TAFA1: variants seen among roughly 807,000 people sequenced by gnomAD.
The protein encoded by TAFA1 is TAFA chemokine like family member 1, also known as chemokine-like protein TAFA-1.
TAFA1 carries 4 observed loss-of-function variants against 18.5 expected under a neutral mutation model. The ratio of observed to expected loss-of-function variants is 0.22; its 90% CI spans 0.11 to 0.49. The LOEUF (loss-of-function observed/expected upper bound fraction) is 0.49, where lower values mean the gene tolerates loss of function less well. TAFA1 is among the 20% of genes least tolerant of loss of function. The pLI, the probability that TAFA1 is intolerant of heterozygous loss-of-function variation, is 0.98. For synonymous variants in TAFA1, 56 were observed against 55.2 expected (o/e 1.01, Z -0.06); for missense variants, 147 against 169.0 (o/e 0.87, Z 0.72).
intron 2 of TAFA1, among the ~76,000 whole-genome samples, chr3:68,349,121 A>G (rs1268021129): frequency 6.6e-6 from 1 of 151,488 alleles, no homozygotes; most frequent in Non-Finnish European, 1.5e-5. Flanking sequence ...AAATTCTGCT[A>G]TTTTCTAAGG....
chr3:68,487,612 C>G (rs915298111), intron 3 of TAFA1, among the ~76,000 whole-genome samples: 2 of 151,596 alleles, frequency 1.3e-5, no homozygotes, highest in African/African-American at 2.4e-5. Flanking sequence ...ATTAGCTGGG[C>G]GTGGTGGCAG....
chr3:68,220,264 G>A (rs935270877), intron 2 of TAFA1, among the ~76,000 whole-genome samples: 4 of 152,088 alleles, frequency 2.6e-5, no homozygotes, highest in African/African-American at 9.7e-5. Flanking sequence ...TATAAAGATT[G>A]TCTGCAAAAC....
chr3:68,497,785 G>A (rs1052305359), intron 3 of TAFA1, among the ~76,000 whole-genome samples: 1 of 152,124 alleles, frequency 6.6e-6, no homozygotes, highest in Non-Finnish European at 1.5e-5. Context: ...GAATGGTTTT[G>A]TGTTTGTTCA....
intron 2 of TAFA1, among the ~76,000 whole-genome samples, chr3:68,113,448 T>C (rs772413756): frequency 6.6e-6 from 1 of 152,118 alleles, no homozygotes; most frequent in Non-Finnish European, 1.5e-5. Flanking sequence ...TGAAAGGTAA[T>C]ACAGTAAATG....
At chr3:68,334,440 T>C (rs943781371) in intron 2 of TAFA1, among the ~76,000 whole-genome samples, 2 of 152,138 alleles carry the variant, frequency 1.3e-5, no homozygotes, top group African/African-American at 4.8e-5. Context: ...TTATGAACAG[T>C]AGGGAAAGCT....
chr3:68,261,193 T>A (rs1156458155), intron 2 of TAFA1, among the ~76,000 whole-genome samples: 1 of 151,988 alleles, frequency 6.6e-6, no homozygotes, highest in Non-Finnish European at 1.5e-5. Context: ...ATCAGAGAAA[T>A]CCAAATCAAA....
At chr3:68,048,571 T>C (rs1339999821) in intron 2 of TAFA1, among the ~76,000 whole-genome samples, 1 of 152,142 alleles carries the variant, frequency 6.6e-6, no homozygotes, top group East Asian at 1.9e-4. Context: ...CATATTTTTG[T>C]ACACATCAAC....
intron 2 of TAFA1, among the ~76,000 whole-genome samples, chr3:68,180,214 A>G (rs1162505818): frequency 6.8e-6 from 1 of 146,882 alleles, no homozygotes; most frequent in Non-Finnish European, 1.5e-5. Flanking sequence ...TTTTTTTTGT[A>G]TTTTTAGTAG....
intron 2 of TAFA1, among the ~76,000 whole-genome samples, chr3:68,388,802 AC>A (rs1469964059): frequency 6.6e-6 from 1 of 152,054 alleles, no homozygotes; most frequent in African/African-American, 2.4e-5. Context: ...GTCAGAAGGG[AC>A]CTTTTGGATG....
intron 2 of TAFA1, among the ~76,000 whole-genome samples, chr3:68,093,816 G>A (rs527638084): frequency 2.6e-5 from 4 of 152,128 alleles, no homozygotes; most frequent in Non-Finnish European, 4.4e-5. Flanking sequence ...TTATCACCTG[G>A]AAGCATTCTC....
intron 2 of TAFA1, among the ~76,000 whole-genome samples, chr3:68,313,115 T>G (rs2068548927): frequency 6.6e-6 from 1 of 152,032 alleles, no homozygotes; most frequent in South Asian, 2.1e-4. Flanking sequence ...TCCCACATGG[T>G]CCTCCCACAA....
intron 2 of TAFA1, among the ~76,000 whole-genome samples, chr3:68,298,248 G>T (rs1001901492): frequency 2.6e-5 from 4 of 152,282 alleles, no homozygotes; most frequent in African/African-American, 9.6e-5. Context: ...GATATTTCTT[G>T]CAGGAGTTTG....
intron 2 of TAFA1, among the ~76,000 whole-genome samples, chr3:68,083,545 C>T (rs2064931455): frequency 6.6e-6 from 1 of 152,188 alleles, no homozygotes; most frequent in South Asian, 2.1e-4. Context: ...TTCAGACCAG[C>T]ACAAGTGCAT....
intron 2 of TAFA1, among the ~76,000 whole-genome samples, chr3:68,254,111 ATG>A (rs2067248237): frequency 7.8e-6 from 1 of 128,458 alleles, no homozygotes; most frequent in African/African-American, 3.1e-5. Context: ...CTGTCTATGT[ATG>A]TATGTATGTA....
chr3:68,307,841 GT>G (rs2068447436), intron 2 of TAFA1, among the ~76,000 whole-genome samples: 1 of 152,114 alleles, frequency 6.6e-6, no homozygotes, highest in African/African-American at 2.4e-5. Flanking sequence ...GTCAGGATTA[GT>G]TATATGTAAA....
intron 3 of TAFA1, among the ~76,000 whole-genome samples, chr3:68,468,056 T>C (rs186754578): frequency 6.6e-6 from 1 of 152,330 alleles, no homozygotes; most frequent in African/African-American, 2.4e-5. Flanking sequence ...CCTTAAATTC[T>C]CTTAAATTTT....
intron 2 of TAFA1, among the ~76,000 whole-genome samples, chr3:68,055,966 G>A (rs1420827440): frequency 6.6e-6 from 1 of 152,064 alleles, no homozygotes; most frequent in African/African-American, 2.4e-5. Flanking sequence ...ACTGAACCCT[G>A]GGTTGGTGTT....
At chr3:68,363,226 G>A (rs188455454) in intron 2 of TAFA1, among the ~76,000 whole-genome samples, 318 of 152,152 alleles carry the variant, frequency 2.1e-3, no homozygotes, top group Non-Finnish European at 2.3e-3. Context: ...TGGGAAGAGT[G>A]AGAAGGTAGA....
At chr3:68,495,910 C>T (rs1193722634) in intron 3 of TAFA1, among the ~76,000 whole-genome samples, 1 of 148,844 alleles carries the variant, frequency 6.7e-6, no homozygotes, top group Non-Finnish European at 1.5e-5. Context: ...ATTTCAGAAG[C>T]GTCCTTTGAA....
Sources: allele counts gnomAD v4.1 joint callset (sites outside exome capture counted in the v4.1 genomes callset), GRCh38; gene constraint gnomAD v4.1.1; transcripts MANE v1.5; gene names NCBI Gene and HGNC (gene_info 2026-07-23, HGNC 2026-07-21).